Variants in ST6GALNAC3 observed in about 807,000 individuals in gnomAD.
ST6GALNAC3 encodes the protein alpha-N-acetylgalactosaminide alpha-2,6-sialyltransferase 3.
ST6GALNAC3 carries 25 observed loss-of-function variants against 32.7 expected under a neutral mutation model. That is an observed-to-expected ratio of 0.76 (90% CI 0.56 to 1.07). The LOEUF is 1.07. ST6GALNAC3 is among the 50% of genes least tolerant of loss of function. ST6GALNAC3 has a pLI of 0.00. For synonymous variants in ST6GALNAC3, 129 were observed against 133.1 expected (o/e 0.97, Z 0.21); for missense variants, 355 against 382.4 (o/e 0.93, Z 0.60).
chr1:76,429,959 A>G (rs953109547), intron 3 of ST6GALNAC3, among the ~76,000 whole-genome samples: 2 of 152,212 alleles, frequency 1.3e-5, no homozygotes, highest in Non-Finnish European at 2.9e-5. Context: ...CCATAAGTCA[A>G]CCATCACTGC....
intron 1 of ST6GALNAC3, among the ~76,000 whole-genome samples, chr1:76,232,721 G>A (rs757896069): frequency 2.6e-5 from 4 of 152,186 alleles, no homozygotes; most frequent in Admixed American, 6.5e-5. Context: ...CTCCATCAGG[G>A]TAACCTGTGT....
chr1:76,080,889 C>T (rs539885492), intron 1 of ST6GALNAC3, among the ~76,000 whole-genome samples: 1 of 152,162 alleles, frequency 6.6e-6, no homozygotes, highest in Non-Finnish European at 1.5e-5. Flanking sequence ...TCAGCAGCTG[C>T]CTGGCCTAAT....
intron 1 of ST6GALNAC3, among the ~76,000 whole-genome samples, chr1:76,094,438 ATATCCT>A (rs1487680632): frequency 6.6e-6 from 1 of 152,168 alleles, no homozygotes; most frequent in African/African-American, 2.4e-5. Flanking sequence ...TAGTCCCATA[ATATCCT>A]TATTCTCCAA....
At chr1:76,574,861 C>G (rs556901695) in intron 3 of ST6GALNAC3, among the ~76,000 whole-genome samples, 2 of 152,222 alleles carry the variant, frequency 1.3e-5, no homozygotes, top group Admixed American at 1.3e-4. Flanking sequence ...CGCTTGTCAG[C>G]AGAGTTGATT....
chr1:76,592,910 G>A (rs143582915), intron 3 of ST6GALNAC3, among the ~76,000 whole-genome samples: 3 of 152,168 alleles, frequency 2.0e-5, no homozygotes, highest in East Asian at 1.9e-4. Context: ...ATCTTACAGA[G>A]AAGCCAAAGA....
intron 1 of ST6GALNAC3, among the ~76,000 whole-genome samples, chr1:76,237,805 CAT>C (rs781068853): frequency 1.4e-4 from 22 of 152,252 alleles, no homozygotes; most frequent in East Asian, 1.9e-4. Flanking sequence ...AAACACCTAT[CAT>C]GTGCAAAAAA....
chr1:76,221,969 T>G (rs1655797737), intron 1 of ST6GALNAC3, among the ~76,000 whole-genome samples: 1 of 152,192 alleles, frequency 6.6e-6, no homozygotes, highest in African/African-American at 2.4e-5. Context: ...GGCCCTGTAA[T>G]GTGAATGATG....
At chr1:76,491,897 A>T (rs779527227) in intron 3 of ST6GALNAC3, among the ~76,000 whole-genome samples, 1 of 152,130 alleles carries the variant, frequency 6.6e-6, no homozygotes, top group Non-Finnish European at 1.5e-5. Context: ...AGTTTTTGTT[A>T]TCTCTTTTTC....
At chr1:76,109,037 T>C (rs1007674082) in intron 1 of ST6GALNAC3, among the ~76,000 whole-genome samples, 1 of 152,182 alleles carries the variant, frequency 6.6e-6, no homozygotes, top group African/African-American at 2.4e-5. Flanking sequence ...AATTAGATGA[T>C]TTAAAGATTC....
At chr1:76,402,231 G>T (rs575955394) in intron 2 of ST6GALNAC3, among the ~76,000 whole-genome samples, 7 of 152,202 alleles carry the variant, frequency 4.6e-5, no homozygotes, top group African/African-American at 1.4e-4. Context: ...TATCCCATTT[G>T]CAATCACAGA....
At chr1:76,338,936 A>G (rs1335281716) in intron 2 of ST6GALNAC3, among the ~76,000 whole-genome samples, 1 of 152,168 alleles carries the variant, frequency 6.6e-6, no homozygotes, top group East Asian at 1.9e-4. Flanking sequence ...ATAGTAGGAG[A>G]GTCTGGAATA....
At chr1:76,374,201 T>G (rs1236647894) in intron 2 of ST6GALNAC3, among the ~76,000 whole-genome samples, 1 of 152,180 alleles carries the variant, frequency 6.6e-6, no homozygotes, top group African/African-American at 2.4e-5. Context: ...AATTAAGAAG[T>G]CTGCTCAATG....
intron 1 of ST6GALNAC3, among the ~76,000 whole-genome samples, chr1:76,215,231 A>C (rs142933896): frequency 2.6e-3 from 390 of 152,328 alleles, no homozygotes; most frequent in Non-Finnish European, 3.6e-3. Context: ...TCATATGGGT[A>C]AATAATAATT....
chr1:76,218,474 G>A (rs1461224349), intron 1 of ST6GALNAC3, among the ~76,000 whole-genome samples: 1 of 152,144 alleles, frequency 6.6e-6, no homozygotes, highest in African/African-American at 2.4e-5. Context: ...AAGCTGGTAT[G>A]GTGAGGATAA....
At chr1:76,229,581 G>GTT (rs1252598383) in intron 1 of ST6GALNAC3, among the ~76,000 whole-genome samples, 7 of 152,136 alleles carry the variant, frequency 4.6e-5, no homozygotes, top group Admixed American at 1.3e-4. Context: ...GTTCTCATTT[G>GTT]GTTGGTCTTT....
chr1:76,251,162 T>A, intron 1 of ST6GALNAC3, among the ~76,000 whole-genome samples: 1 of 152,150 alleles, frequency 6.6e-6, no homozygotes, highest in East Asian at 1.9e-4. Context: ...AAACAACTAC[T>A]TTAATTAGCA....
At chr1:76,117,096 T>C (rs959168160) in intron 1 of ST6GALNAC3, among the ~76,000 whole-genome samples, 3 of 152,234 alleles carry the variant, frequency 2.0e-5, no homozygotes, top group African/African-American at 4.8e-5. Context: ...GTCCCCACTT[T>C]CTGTTTATAC....
In ST6GALNAC3 at chr1:76,494,466, T is replaced by TACACAC. The variant is rs1486372356; in HGVS notation, c.623+82050_623+82051insCACACA. Among the ~76,000 whole-genome samples, 119 of 50,730 alleles carry TACACAC rather than the reference T, an allele frequency of 2.3e-3. 12 individuals are homozygous for TACACAC. Among genetic ancestry groups the TACACAC allele is most frequent in the African/African-American group, 6.9e-3 (101 of 14,734 alleles). The allele number at this position is 50,730 out of a possible 152,430, so 33.3% of individuals were successfully genotyped here. A position where few individuals can be genotyped will look rare whatever the true frequency, so the allele number is the denominator to read the frequency against. ...ATATATATATATATATATATATATA[T>TACACAC]ATACACACACACACACACACTTTCC... On this transcript the variant is annotated intron_variant, in intron 3 of 4. Transcript: ENST00000328299.
Position 76,376,618 on chromosome 1 carries a change from A to C in ST6GALNAC3, c.214-35390A>C, listed in dbSNP as rs932259508. Among the ~76,000 whole-genome samples the C allele has an allele frequency of 2.6e-5, 4 of 152,170 alleles. No individual in the cohort carries two copies. In the South Asian group the frequency reaches 6.2e-4, roughly 24 times the overall value. ...GCATAATTCCCTTGAGAGTTATCCA[A>C]GTTGTTGGGTGTATCAATTCTTATG... On this transcript the variant is annotated intron_variant, in intron 2 of 4. Coordinates refer to ENST00000328299, the MANE Select transcript of ST6GALNAC3 (RefSeq NM_152996.4).
Sources: gnomAD v4.1 joint callset for allele counts (sites outside exome capture counted in the v4.1 genomes callset) on GRCh38, gnomAD v4.1.1 for gene constraint, MANE v1.5 for transcripts, NCBI Gene and HGNC (gene_info 2026-07-23, HGNC 2026-07-21) for gene names.